The following SCAPER variants were observed in gnomAD, a reference collection of about 807,000 sequenced individuals.
The protein encoded by SCAPER is S phase cyclin A-associated protein in the endoplasmic reticulum.
Under a neutral mutation model 182.2 loss-of-function variants are expected in SCAPER, and 98 were observed. The ratio of observed to expected loss-of-function variants is 0.54; its 90% confidence interval spans 0.46 to 0.64. SCAPER has a LOEUF of 0.64. Ranked by LOEUF, SCAPER falls within the 30% of genes least tolerant of loss-of-function variation. SCAPER has a pLI of 0.00. For synonymous variants in SCAPER, 605 were observed against 564.6 expected, an observed-to-expected ratio of 1.07 and a Z score of -1.01; for missense variants, 1,432 against 1,690.0, an observed-to-expected ratio of 0.85 and a Z score of 2.68.
In SCAPER at chr15:76,841,811, G is replaced by C; in HGVS notation, c.316C>G (p.Leu106Val). 2 of 1,613,920 alleles carry C rather than the reference G, an allele frequency of 1.2e-6. No homozygotes were observed. The highest frequency in any genetic ancestry group is 1.7e-6 in the Non-Finnish European group (2 of 1,179,876). ...ACTGCTCGGCGAAGATTATCAAAAA[G>C]AAATGCCCAGTATCGAGCTCTTAGA... is the stretch of plus-strand genomic sequence containing the variant. ...IDLRARYWAF[L>V]FDNLRRAVDE... is the part of the protein sequence containing the mutation. The change falls in exon 5 of 32, where the codon CTT becomes GTT. Residue 106 changes from leucine (L) to valine (V), a missense_variant. Coordinates refer to ENST00000563290, the MANE Select transcript of SCAPER (RefSeq NM_020843.4).
intron 14 of SCAPER, among the ~76,000 whole-genome samples, chr15:76,761,531 C>T (rs1598573589): frequency 6.6e-6 from 1 of 151,900 alleles, no homozygotes; most frequent in South Asian, 2.1e-4. Flanking sequence ...ATTTAAATTC[C>T]CCTTTATTTC....
intron 20 of SCAPER, among the ~76,000 whole-genome samples, chr15:76,696,493 A>G (rs1439159495): frequency 1.3e-5 from 2 of 152,100 alleles, no homozygotes; most frequent in African/African-American, 2.4e-5. Context: ...TTTTTTTTCT[A>G]TAAGTATACA....
At chr15:76,591,496 C>A (rs117006699) in intron 22 of SCAPER, among the ~76,000 whole-genome samples, 1 of 152,168 alleles carries the variant, frequency 6.6e-6, no homozygotes, top group Middle Eastern at 3.2e-3. Context: ...GGGTCTCGCT[C>A]TGTTGCCCAG....
chr15:76,844,903 C>T (rs542228028), intron 4 of SCAPER, among the ~76,000 whole-genome samples: 2 of 152,032 alleles, frequency 1.3e-5, no homozygotes, highest in African/African-American at 4.8e-5. Context: ...CAGACAGACA[C>T]ATCAAAAAAA....
At chr15:76,607,603 G>C (rs2050557237) in intron 22 of SCAPER, among the ~76,000 whole-genome samples, 1 of 152,190 alleles carries the variant, frequency 6.6e-6, no homozygotes, top group African/African-American at 2.4e-5. Context: ...ATAATATCCT[G>C]CAGAGTGTTT....
At chr15:76,361,911 A>T (rs377057986) in intron 29 of SCAPER, among the ~76,000 whole-genome samples, 129 of 152,346 alleles carry the variant, frequency 8.5e-4, no homozygotes, top group African/African-American at 2.9e-3. Flanking sequence ...ATTCAGCATA[A>T]CTGGTTTAAG....
chr15:76,606,559 C>T (rs1597640274), intron 22 of SCAPER, among the ~76,000 whole-genome samples: 1 of 151,788 alleles, frequency 6.6e-6, no homozygotes, highest in South Asian at 2.1e-4. Context: ...GAGTTCAATT[C>T]CTGGATATCC....
At chr15:76,421,068 C>A (rs562662658) in intron 26 of SCAPER, among the ~76,000 whole-genome samples, 128 of 152,236 alleles carry the variant, frequency 8.4e-4, no homozygotes, top group Non-Finnish European at 1.3e-3. Context: ...GTGAATAGTG[C>A]CACAATAAAC....
chr15:76,451,404 G>T (rs2048359047), intron 25 of SCAPER, among the ~76,000 whole-genome samples: 1 of 152,136 alleles, frequency 6.6e-6, no homozygotes, highest in Admixed American at 6.5e-5. Flanking sequence ...GGGATGTAGG[G>T]TAAGTGTATG....
At chr15:76,372,435 C>A (rs1339912707) in intron 29 of SCAPER, among the ~76,000 whole-genome samples, 1 of 152,170 alleles carries the variant, frequency 6.6e-6, no homozygotes, top group Admixed American at 6.6e-5. Context: ...ATATGAGTCA[C>A]CCATCCCTGA....
At chr15:76,448,414 T>A (rs1346088647) in intron 25 of SCAPER, among the ~76,000 whole-genome samples, 1 of 151,970 alleles carries the variant, frequency 6.6e-6, no homozygotes, top group Non-Finnish European at 1.5e-5. Flanking sequence ...GCTTATATGG[T>A]AGAGTTGTTT....
At chr15:76,879,126 G>A (rs1262896690) in intron 2 of SCAPER, among the ~76,000 whole-genome samples, 3 of 152,062 alleles carry the variant, frequency 2.0e-5, no homozygotes, top group Non-Finnish European at 4.4e-5. Flanking sequence ...TCTTTGCCAT[G>A]CTCCAAAATC....
At chr15:76,486,840 G>T (rs1392494192) in intron 24 of SCAPER, among the ~76,000 whole-genome samples, 1 of 152,154 alleles carries the variant, frequency 6.6e-6, no homozygotes, top group Non-Finnish European at 1.5e-5. Flanking sequence ...CCCACTATTG[G>T]ATATACACTC....
intron 11 of SCAPER, 125 bp from the exon 12 acceptor site, chr15:76,765,763 C>A: frequency 1.2e-6 from 1 of 813,600 alleles, no homozygotes; most frequent in Admixed American, 2.5e-5. Context: ...CAGTTGAAAA[C>A]CAGGAAAAAG....
At chr15:76,659,344 C>T (rs1210528681) in intron 21 of SCAPER, among the ~76,000 whole-genome samples, 1 of 152,116 alleles carries the variant, frequency 6.6e-6, no homozygotes, top group Non-Finnish European at 1.5e-5. Context: ...AATCACAGCT[C>T]ACTGCAGTCT....
At chr15:76,431,241 T>C (rs1041747905) in intron 26 of SCAPER, among the ~76,000 whole-genome samples, 3 of 138,378 alleles carry the variant, frequency 2.2e-5, no homozygotes, top group Non-Finnish European at 1.6e-5. Context: ...AGATGTCTAA[T>C]AGTAAAATAA....
chr15:76,832,793 C>T (rs1422302172), intron 5 of SCAPER, among the ~76,000 whole-genome samples: 2 of 152,174 alleles, frequency 1.3e-5, no homozygotes, highest in Non-Finnish European at 2.9e-5. Context: ...AAGATGCCTG[C>T]TGCTCCCGTT....
intron 1 of SCAPER, among the ~76,000 whole-genome samples, chr15:76,900,035 T>C (rs1462784519): frequency 6.6e-6 from 1 of 152,210 alleles, no homozygotes; most frequent in Non-Finnish European, 1.5e-5. Context: ...ATCTATAACC[T>C]TACCCCCAAC....
chr15:76,688,950 G>A (rs745362073), intron 20 of SCAPER, among the ~76,000 whole-genome samples: 130 of 144,720 alleles, frequency 9.0e-4, no homozygotes, highest in Admixed American at 2.6e-3. Flanking sequence ...CTGGGTTCAC[G>A]CCATTCTCCT....
Sources: gnomAD v4.1 joint callset for allele counts (sites outside exome capture counted in the v4.1 genomes callset) on GRCh38, gnomAD v4.1.1 for gene constraint, MANE v1.5 for transcripts, NCBI Gene and HGNC (gene_info 2026-07-23, HGNC 2026-07-21) for gene names.